DNMT3A: variants seen among roughly 807,000 people sequenced by gnomAD.
DNMT3A encodes DNA methyltransferase 3 alpha, also known as DNA (cytosine-5)-methyltransferase 3A.
Under a neutral mutation model 117.6 loss-of-function variants are expected in DNMT3A, and 267 were observed. The ratio of observed to expected loss-of-function variants is 2.27; its 90% CI spans 2.05 to 2.51. The LOEUF is 2.51. Ranked by LOEUF, DNMT3A falls within the 30% of genes most tolerant of loss-of-function variation. DNMT3A has a pLI of 0.00. For synonymous variants in DNMT3A, 432 were observed against 474.8 expected (o/e 0.91, Z 1.17); for missense variants, 1,029 against 1,260.2 (o/e 0.82, Z 2.78).
At chr2:25,330,620 G>T (rs1016156734) in intron 1 of DNMT3A, among the ~76,000 whole-genome samples, 1 of 152,188 alleles carries the variant, frequency 6.6e-6, no homozygotes, top group African/African-American at 2.4e-5. Context: ...CCATGTCCAG[G>T]CCAAGTCCTT....
In DNMT3A at chr2:25,282,514, C is replaced by G. The variant is rs2149378860; in HGVS notation, c.375G>C (p.Leu125=). Residue 125 remains leucine (L), a synonymous_variant, in exon 4 of 23, where the codon CTG becomes CTC. Transcript: ENST00000321117. The surrounding 1 kb of genome is among the most constrained non-coding windows in gnomAD (Gnocchi z 5.2). ...PAEGEGAAET[L]PEASRAVENG... ...TTTCCACTGCTCTTGAGGCTTCAGGCAGGGTCTCAGCTGCACCCTCTCCCT... is the reference window on the plus strand; with the variant it reads ...TTTCCACTGCTCTTGAGGCTTCAGGGAGGGTCTCAGCTGCACCCTCTCCCT... The G allele has an allele frequency of 6.2e-7, 1 of 1,613,444 alleles. No individual in the cohort carries two copies. Among genetic ancestry groups the G allele is most frequent in the South Asian group, 1.1e-5 (1 of 91,070 alleles).
chr2:25,334,943 C>T (rs1170411965), intron 1 of DNMT3A, among the ~76,000 whole-genome samples: 1 of 152,150 alleles, frequency 6.6e-6, no homozygotes, highest in African/African-American at 2.4e-5. Flanking sequence ...TTGTTGTTGT[C>T]ATTAAGAAAG....
At position 25,245,403 on chromosome 2, in the gene DNMT3A, C is replaced by T. The variant is rs374571558; in HGVS notation, c.1475-71G>A. On this transcript the variant is annotated intron_variant, in intron 12 of 22. Coordinates refer to ENST00000321117, the MANE Select transcript of DNMT3A (RefSeq NM_022552.5). ...TCTCCCTCCCCGGGCCGGAGCCCAG[C>T]ACCAGACCAGCCACAAAAAAGGGGT... 1.7e-5 allele frequency: 24 copies of T among 1,398,344 alleles called. No individual in the cohort carries two copies. The East Asian group carries it at 5.4e-4, about 31-fold the overall frequency. The allele number at this position is 1,398,344 out of a possible 1,614,324, so 86.6% of individuals were successfully genotyped here. A position where few individuals can be genotyped will look rare whatever the true frequency, so the allele number is the denominator to read the frequency against.
Position 25,234,029 on chromosome 2 carries a change from G to T in DNMT3A, c.*250C>A, listed in dbSNP as rs1673043535. The T allele has an allele frequency of 2.6e-6, 1 of 378,994 alleles. No homozygotes were observed. The highest frequency in any genetic ancestry group is 4.5e-6 in the Non-Finnish European group (1 of 222,758). The allele number at this position is 378,994 out of a possible 1,614,324, so 23.5% of individuals were successfully genotyped here. ...AAAAAGGGAAGGGGGAGGAAGGGAA[G>T]GGAGCTTGGTTTTGTTTTTAAATAG... On this transcript the variant is annotated 3_prime_UTR_variant, in exon 23 of 23. Transcript: ENST00000321117. This position sits in a 1 kb window ranked among gnomAD's most constrained non-coding sequence, Gnocchi z 4.5.
chr2:25,300,711 TAATA>T lies in DNMT3A; in HGVS notation c.73-472_73-469del, dbSNP rs1256296234. ...TATATATTTATATATCTAAATAATATAATATATATATATATATATATATATATAT... is the reference window on the plus strand; with the variant it reads ...TATATATTTATATATCTAAATAATATTATATATATATATATATATATATAT... On this transcript the variant is annotated intron_variant, in intron 2 of 22. Transcript: ENST00000321117. Among the ~76,000 whole-genome samples, 32 of 42,046 alleles carry T rather than the reference TAATA, an allele frequency of 7.6e-4. 4 individuals carry two copies. The highest frequency in any genetic ancestry group is 2.0e-3 in the East Asian group (2 of 980). 27.6% of individuals were successfully genotyped at this position (42,046 alleles called of 152,430 possible).
intron 6 of DNMT3A, among the ~76,000 whole-genome samples, chr2:25,264,100 T>C (rs1397419762): frequency 2.7e-5 from 4 of 147,804 alleles, no homozygotes; most frequent in Non-Finnish European, 5.9e-5. Flanking sequence ...GAGCACACAG[T>C]ATCTGCTCAG....
intron 4 of DNMT3A, among the ~76,000 whole-genome samples, chr2:25,279,546 G>A (rs1046445330): frequency 1.3e-5 from 2 of 152,054 alleles, no homozygotes; most frequent in South Asian, 2.1e-4. Context: ...TGCCCACCCC[G>A]CGAGGTAACA....
intron 3 of DNMT3A, among the ~76,000 whole-genome samples, chr2:25,295,762 G>A (rs985863826): frequency 8.5e-5 from 13 of 152,166 alleles, no homozygotes; most frequent in Non-Finnish European, 1.5e-4. Flanking sequence ...TAATGAAAGC[G>A]GTCCCCAACT....
In DNMT3A at chr2:25,231,030, GT is replaced by G. The variant is rs1392758144; in HGVS notation, c.*3248del. 6.6e-6 allele frequency: 1 copy of G among 152,302 alleles called. No homozygotes were observed. The highest frequency in any genetic ancestry group is 2.4e-5 in the African/African-American group (1 of 41,466). 9.4% of individuals were successfully genotyped at this position (152,302 alleles called of 1,614,324 possible). On this transcript the variant is annotated 3_prime_UTR_variant, in exon 23 of 23. Coordinates refer to ENST00000321117, the MANE Select transcript of DNMT3A (RefSeq NM_022552.5). ...CCCTTTGGTTGGAGCACCAGGCCCA[GT>G]TCCGGTGGAGCTTGGGCCGCTGGGA...
chr2:25,313,770 C>G, intron 2 of DNMT3A, 143 bp downstream of exon 2: 1 of 1,281,378 alleles, frequency 7.8e-7, no homozygotes, highest in East Asian at 2.7e-5. Flanking sequence ...ATCACCCAAA[C>G]AGGGATGTGA....
chr2:25,240,481 G>A, intron 18 of DNMT3A, 31 bp from the exon 19 acceptor site: 1 of 1,590,468 alleles, frequency 6.3e-7, no homozygotes, highest in Non-Finnish European at 8.6e-7. Context: ...GCCATCAGCT[G>A]GGGCTGTCTG....
chr2:25,321,754 C>T (rs987328160), intron 1 of DNMT3A, among the ~76,000 whole-genome samples: 2 of 152,166 alleles, frequency 1.3e-5, no homozygotes, highest in African/African-American at 4.8e-5. Context: ...AGTGTGGTGG[C>T]ACATGCCTGT....
Position 25,340,821 on chromosome 2 carries a change from G to A in DNMT3A, c.-178+1005C>T, listed in dbSNP as rs527805168. Among the ~76,000 whole-genome samples, 645 of 145,082 alleles carry A rather than the reference G, an allele frequency of 4.4e-3. 4 individuals carry two copies. Among genetic ancestry groups the A allele is most frequent in the Non-Finnish European group, 7.7e-3 (508 of 65,562 alleles). On this transcript the variant is annotated intron_variant, in intron 1 of 22. Transcript: ENST00000321117. ...CCCCCCTGCGCCGCTCCCGGTCCCGGCCCCGCTACTTCCACCCCCGCGTTT... is the reference window on the plus strand; with the variant it reads ...CCCCCCTGCGCCGCTCCCGGTCCCGACCCCGCTACTTCCACCCCCGCGTTT...
At position 25,275,062 on chromosome 2, in the gene DNMT3A, C is replaced by T. The variant is rs2031281181; in HGVS notation, c.518G>A (p.Gly173Asp). 6.3e-7 allele frequency: 1 copy of T among 1,598,484 alleles called. No homozygotes were observed. Among genetic ancestry groups the T allele is most frequent in the Non-Finnish European group, 8.5e-7 (1 of 1,172,992 alleles). The change falls in exon 6 of 23, where the codon GGC (glycine) becomes GAC (aspartate). Residue 173 changes from glycine to aspartate, a missense_variant. Gly to Asp is a moderately conservative substitution (Grantham distance 94, BLOSUM62 -1). Transcript: ENST00000321117. Reference sequence around the variant, plus strand: ...ACGGAGGCTGGACTCCCAGCCCAAGCCACCCCGCAGCCGGCCCCGGGAGCC... The same window carrying T: ...ACGGAGGCTGGACTCCCAGCCCAAGTCACCCCGCAGCCGGCCCCGGGAGCC... ...MEGSRGRLRG[G>D]LGWESSLRQR... is the part of the protein sequence containing the mutation.
intron 6 of DNMT3A, among the ~76,000 whole-genome samples, chr2:25,266,832 T>C (rs1338609004): frequency 6.6e-6 from 1 of 152,166 alleles, no homozygotes; most frequent in Non-Finnish European, 1.5e-5. Flanking sequence ...GAAGCATAAA[T>C]TGGAGTGCCC....
intron 2 of DNMT3A, among the ~76,000 whole-genome samples, chr2:25,309,886 T>C (rs1386581658): frequency 6.6e-6 from 1 of 151,562 alleles, no homozygotes; most frequent in Non-Finnish European, 1.5e-5. Context: ...ACCCCGTCTC[T>C]ACTAAAAAAA....
At chr2:25,250,254 T>C (rs1444910203) in intron 6 of DNMT3A, among the ~76,000 whole-genome samples, 2 of 152,220 alleles carry the variant, frequency 1.3e-5, no homozygotes, top group Non-Finnish European at 2.9e-5. Context: ...TACAGATTCA[T>C]TTAATTTCAC....
chr2:25,297,162 T>C (rs1305119794), intron 3 of DNMT3A, among the ~76,000 whole-genome samples: 4 of 152,072 alleles, frequency 2.6e-5, no homozygotes, highest in Non-Finnish European at 5.9e-5. Context: ...TCCCCCAACA[T>C]GGGCTCCCAG....
intron 3 of DNMT3A, among the ~76,000 whole-genome samples, chr2:25,290,044 T>C (rs1384556896): frequency 6.6e-6 from 1 of 152,206 alleles, no homozygotes; most frequent in African/African-American, 2.4e-5. Context: ...CACGGCTCAC[T>C]GTGGCCCTGA....
Sources: allele counts gnomAD v4.1 joint callset (sites outside exome capture counted in the v4.1 genomes callset), GRCh38; gene constraint gnomAD v4.1.1; non-coding constraint Gnocchi (gnomAD v3.1); transcripts MANE v1.5; gene names NCBI Gene and HGNC (gene_info 2026-07-23, HGNC 2026-07-21).